Variants in PIAS4 observed in about 807,000 individuals in gnomAD.
The protein encoded by PIAS4 is E3 SUMO-protein ligase PIAS4.
A neutral mutation model predicts 58.0 loss-of-function variants in PIAS4; 7 were observed. That is an observed-to-expected ratio of 0.12 (90% CI 0.07 to 0.23). The LOEUF is 0.23. Among genes scored for constraint, PIAS4 ranks in the 10% least tolerant of loss-of-function variants. The pLI is 1.00. For missense variants in PIAS4, 550 were observed against 709.5 expected, an observed-to-expected ratio of 0.78 and a Z score of 2.55; for synonymous variants, 364 against 312.4, an observed-to-expected ratio of 1.17 and a Z score of -1.74.
intron 2 of PIAS4, among the ~76,000 whole-genome samples, chr19:4,019,148 A>G (rs957388102): frequency 4.6e-5 from 7 of 152,174 alleles, no homozygotes; most frequent in Admixed American, 4.6e-4. Flanking sequence ...CGGGGGCTTC[A>G]TGGATGCCAC....
chr19:4,032,949 TCACGGCCCC>T (rs1167669249), intron 7 of PIAS4, 142 bp from the exon 8 acceptor site: 2 of 635,680 alleles, frequency 3.1e-6, no homozygotes, highest in Non-Finnish European at 5.5e-6. Context: ...CTCCAATCCC[TCACGGCCCC>T]GAGCCACACA....
chr19:4,010,391 A>C (rs530201800), intron 1 of PIAS4, among the ~76,000 whole-genome samples: 5 of 152,388 alleles, frequency 3.3e-5, no homozygotes, highest in Admixed American at 3.3e-4. Flanking sequence ...GCCTTCGGCC[A>C]GTCTGCCAGT....
intron 1 of PIAS4, among the ~76,000 whole-genome samples, chr19:4,010,616 G>A (rs993005915): frequency 2.0e-5 from 3 of 152,230 alleles, no homozygotes; most frequent in Admixed American, 1.3e-4. Flanking sequence ...AGGGTCCCCC[G>A]GGCAGCAGAC....
intron 2 of PIAS4, among the ~76,000 whole-genome samples, chr19:4,019,248 C>T (rs943977026): frequency 6.6e-6 from 1 of 152,088 alleles, no homozygotes. Context: ...ATAGGGGGGC[C>T]GGGTGTTTGG....
chr19:4,028,778 A>T lies in PIAS4; in HGVS notation c.731A>T (p.Asn244Ile). Residue 244 changes from asparagine to isoleucine, a missense_variant, in exon 6 of 11, where the codon AAC becomes ATC. Around this residue, in one of 4 missense-constraint regions of PIAS4, gnomAD observed 225 missense variants for 345.8 expected, o/e 0.65. Transcript: ENST00000262971. ...CCCAAGAGGCCGTGCCGCCCCATCA[A>T]CCTCACCCACCTCATGTACCTGTCC... The part of the protein sequence containing the change: ...VEPKRPCRPI[N>I]LTHLMYLSSA... The T allele has an allele frequency of 1.9e-6, 3 of 1,613,194 alleles. No individual in the cohort carries two copies. Among genetic ancestry groups the T allele is most frequent in the Non-Finnish European group, 1.7e-6 (2 of 1,179,858 alleles).
Position 4,037,468 on chromosome 19 carries a change from C to T in PIAS4, c.1237C>T (p.Arg413Cys), listed in dbSNP as rs368259481. 1.6e-5 allele frequency: 26 copies of T among 1,611,312 alleles called. No homozygotes were observed. Among genetic ancestry groups the T allele is most frequent in the African/African-American group, 1.2e-4 (9 of 74,908 alleles). The change falls in exon 10 of 11, where the codon CGC becomes TGC. Residue 413 changes from arginine to cysteine, a missense_variant. Transcript: ENST00000262971. The surrounding 1 kb of genome is among the most constrained non-coding windows in gnomAD (Gnocchi z 5.8). ...GTGCCCGATCCGCGCCGAAAAGGAG[C>T]GCAGCTGCAGCCCGCAGGGCGCCAT... The part of the protein sequence containing the change: ...SWCPIRAEKE[R>C]SCSPQGAILV...
chr19:4,019,950 G>A (rs1427117342), intron 2 of PIAS4, among the ~76,000 whole-genome samples: 6 of 150,528 alleles, frequency 4.0e-5, no homozygotes, highest in Admixed American at 2.0e-4. Flanking sequence ...ATGGAGTCTC[G>A]CTGTCGCCCG....
chr19:4,030,679 C>G (rs143112795), intron 7 of PIAS4, among the ~76,000 whole-genome samples: 1 of 152,090 alleles, frequency 6.6e-6, no homozygotes, highest in Non-Finnish European at 1.5e-5. Flanking sequence ...CAAGCAGCCA[C>G]GCAGCACAAA....
intron 3 of PIAS4, among the ~76,000 whole-genome samples, chr19:4,025,634 T>C (rs1204709191): frequency 2.0e-5 from 3 of 152,028 alleles, no homozygotes; most frequent in Non-Finnish European, 4.4e-5. Flanking sequence ...GGCTTGGCCA[T>C]GGAGGCCTCT....
intron 9 of PIAS4, among the ~76,000 whole-genome samples, chr19:4,034,876 C>G (rs1287131308): frequency 1.3e-5 from 2 of 152,226 alleles, no homozygotes; most frequent in Non-Finnish European, 2.9e-5. Flanking sequence ...CTCTCTGTCC[C>G]TGGCTCTGAG....
intron 2 of PIAS4, among the ~76,000 whole-genome samples, chr19:4,022,584 T>C (rs1599222769): frequency 6.6e-6 from 1 of 151,936 alleles, no homozygotes; most frequent in Non-Finnish European, 1.5e-5. Flanking sequence ...GCCAGGATGG[T>C]CTCGATCTCC....
intron 4 of PIAS4, 38 bp from the exon 5 acceptor site, chr19:4,028,472 G>A (rs374877228): frequency 1.4e-5 from 21 of 1,484,064 alleles, no homozygotes; most frequent in Admixed American, 8.7e-5. Flanking sequence ...CCTCCTGTGC[G>A]CCCCCTCCCC....
chr19:4,012,854 C>A, intron 1 of PIAS4, 69 bp from the exon 2 acceptor site: 1 of 1,499,752 alleles, frequency 6.7e-7, no homozygotes, highest in Non-Finnish European at 9.0e-7. Flanking sequence ...ACATCGGGGC[C>A]TGGCCTCCAT....
intron 2 of PIAS4, among the ~76,000 whole-genome samples, chr19:4,023,591 A>G (rs1484018777): frequency 6.6e-6 from 1 of 151,792 alleles, no homozygotes; most frequent in African/African-American, 2.4e-5. Context: ...TCCCGTCAGT[A>G]CCCCCCGCAC....
intron 2 of PIAS4, among the ~76,000 whole-genome samples, chr19:4,019,970 G>A (rs909877921): frequency 5.3e-5 from 8 of 151,310 alleles, no homozygotes; most frequent in African/African-American, 9.7e-5. Flanking sequence ...GGGCTGGAGT[G>A]CAGCGGCAGG....
At chr19:4,032,856 G>T (rs1226506944) in intron 7 of PIAS4, among the ~76,000 whole-genome samples, 1 of 152,174 alleles carries the variant, frequency 6.6e-6, no homozygotes, top group Non-Finnish European at 1.5e-5. Context: ...GGCCACATAG[G>T]CCACCTCCGT....
intron 1 of PIAS4, among the ~76,000 whole-genome samples, chr19:4,010,534 G>C (rs1335156660): frequency 6.6e-6 from 1 of 152,206 alleles, no homozygotes; most frequent in African/African-American, 2.4e-5. Context: ...AGGCATTTTT[G>C]TTTTCAAAGC....
At chr19:4,022,499 T>C (rs1181862362) in intron 2 of PIAS4, among the ~76,000 whole-genome samples, 2 of 151,980 alleles carry the variant, frequency 1.3e-5, no homozygotes, top group African/African-American at 4.8e-5. Context: ...CCCTAGTAGC[T>C]GGGACTGCAG....
intron 2 of PIAS4, among the ~76,000 whole-genome samples, chr19:4,020,892 T>C (rs530074198): frequency 1.4e-4 from 21 of 152,310 alleles, no homozygotes. Context: ...TGAGCCGCTG[T>C]GCCCAGCCTG....
Sources: allele counts gnomAD v4.1 joint callset (sites outside exome capture counted in the v4.1 genomes callset), GRCh38; gene constraint gnomAD v4.1.1; regional missense constraint gnomAD v4.1.1; non-coding constraint Gnocchi (gnomAD v3.1); transcripts MANE v1.5; gene names NCBI Gene and HGNC (gene_info 2026-07-23, HGNC 2026-07-21).